EMB: variants seen among roughly 807,000 people sequenced by gnomAD.
The protein encoded by EMB is embigin.
A neutral mutation model predicts 41.4 loss-of-function variants in EMB; 31 were observed. The ratio of observed to expected loss-of-function variants is 0.75; its 90% confidence interval spans 0.56 to 1.01. The LOEUF is 1.01. Ranked by LOEUF, EMB falls within the 50% of genes least tolerant of loss-of-function variation. The pLI is 0.00. For synonymous variants in EMB, 137 were observed against 140.4 expected (o/e 0.98, Z 0.17); for missense variants, 379 against 388.3 (o/e 0.98, Z 0.20).
intron 6 of EMB, 67 bp from the exon 7 acceptor site, chr5:50,402,386 A>AT (rs1261820258): frequency 7.2e-7 from 1 of 1,393,228 alleles, no homozygotes; most frequent in East Asian, 2.3e-5. Flanking sequence ...TATATGCTCA[A>AT]TTAAACCTCC....
At chr5:50,439,397 A>G (rs1469127487) in intron 1 of EMB, among the ~76,000 whole-genome samples, 2 of 151,992 alleles carry the variant, frequency 1.3e-5, no homozygotes, top group Non-Finnish European at 2.9e-5. Flanking sequence ...AGCTCACTGC[A>G]GCCTCAAACT....
At chr5:50,426,975 C>G (rs536816662) in intron 2 of EMB, among the ~76,000 whole-genome samples, 1 of 151,770 alleles carries the variant, frequency 6.6e-6, no homozygotes, top group Non-Finnish European at 1.5e-5. Flanking sequence ...CTGAAATGAC[C>G]TGGTATAACT....
chr5:50,429,968 TTCTCTCTCTCTCTC>T (rs780667856), intron 1 of EMB, among the ~76,000 whole-genome samples: 4 of 62,150 alleles, frequency 6.4e-5, no homozygotes, highest in East Asian at 4.2e-4. Context: ...CCAACTCTCT[TTCTCTCTCTCTCTC>T]TCTCTCTCTC....
chr5:50,422,143 C>T (rs1401829077), intron 2 of EMB, among the ~76,000 whole-genome samples: 1 of 151,952 alleles, frequency 6.6e-6, no homozygotes, highest in African/African-American at 2.4e-5. Context: ...ATAATACTAA[C>T]ATGTTAATTA....
At chr5:50,422,344 TTC>T (rs1344369019) in intron 2 of EMB, among the ~76,000 whole-genome samples, 1 of 152,230 alleles carries the variant, frequency 6.6e-6, no homozygotes, top group Non-Finnish European at 1.5e-5. Context: ...TCGATGAATA[TTC>T]TGTTTCATAT....
At chr5:50,419,716 T>C (rs1476785676) in intron 2 of EMB, among the ~76,000 whole-genome samples, 1 of 152,090 alleles carries the variant, frequency 6.6e-6, no homozygotes, top group Non-Finnish European at 1.5e-5. Flanking sequence ...GACTTAAAAG[T>C]GACACATGCA....
intron 2 of EMB, among the ~76,000 whole-genome samples, chr5:50,427,394 T>C (rs1195289031): frequency 6.6e-6 from 1 of 152,094 alleles, no homozygotes; most frequent in Non-Finnish European, 1.5e-5. Flanking sequence ...ACAACCTACA[T>C]GGAAATGTAA....
At chr5:50,421,045 T>C (rs1299286773) in intron 2 of EMB, among the ~76,000 whole-genome samples, 1 of 152,118 alleles carries the variant, frequency 6.6e-6, no homozygotes, top group Non-Finnish European at 1.5e-5. Context: ...AACACAAATA[T>C]CTACAATTAA....
intron 1 of EMB, among the ~76,000 whole-genome samples, chr5:50,439,630 A>G (rs1036044507): frequency 5.9e-5 from 9 of 151,906 alleles, no homozygotes; most frequent in Non-Finnish European, 8.8e-5. Flanking sequence ...TATAAGTGGT[A>G]TTATGGAAAA....
chr5:50,429,971 TCTCTCTC>T (rs1745688053), intron 1 of EMB, among the ~76,000 whole-genome samples: 1,401 of 134,000 alleles, frequency 0.01, 28 homozygotes, highest in African/African-American at 0.033. Flanking sequence ...ACTCTCTTTC[TCTCTCTC>T]TCTCTCTCTC....
At chr5:50,410,107 C>T (rs1745309742) in intron 4 of EMB, among the ~76,000 whole-genome samples, 1 of 152,002 alleles carries the variant, frequency 6.6e-6, no homozygotes. Flanking sequence ...GGAAAAGTTA[C>T]AACAATTTTC....
At chr5:50,438,506 C>T (rs915717959) in intron 1 of EMB, among the ~76,000 whole-genome samples, 42 of 152,222 alleles carry the variant, frequency 2.8e-4, no homozygotes, top group African/African-American at 9.9e-4. Flanking sequence ...TAAAAAAATG[C>T]TAACTCATAG....
rs1376586673 is a variant in EMB at position 50,441,060 on chromosome 5, G to A, written c.92C>T (p.Ser31Leu). The change falls in exon 1 of 9, where the codon TCG becomes TTG. Residue 31 changes from serine (S) to leucine (L), a missense_variant. Ser to Leu is a moderately radical substitution (Grantham distance 145). Transcript: ENST00000303221. ...CACACCTGGGGCACTGCCGTCCGCC[G>A]AGCTTGGGCGCGCGGCAGCGAGAAG... ...QCLLAAARPS[S>L]ADGSAPDSPF... 2.6e-5 allele frequency: 40 copies of A among 1,510,198 alleles called. No individual in the cohort carries two copies. The highest frequency in any genetic ancestry group is 3.5e-5 in the Non-Finnish European group (39 of 1,130,082). 93.5% of individuals were successfully genotyped at this position (1,510,198 alleles called of 1,614,324 possible).
intron 1 of EMB, among the ~76,000 whole-genome samples, chr5:50,440,533 C>CAAAAAAAA (rs70972912): frequency 6.7e-5 from 4 of 60,052 alleles, no homozygotes; most frequent in African/African-American, 2.7e-4. Flanking sequence ...AACTCCGTCT[C>CAAAAAAAA]AAAAAAAAAA....
At chr5:50,406,575 C>A (rs186099403) in intron 4 of EMB, among the ~76,000 whole-genome samples, 2 of 151,822 alleles carry the variant, frequency 1.3e-5, no homozygotes, top group East Asian at 3.9e-4. Flanking sequence ...AAGATAAGAG[C>A]ATAAACAGTA....
chr5:50,413,584 CTTT>C (rs796506447), intron 2 of EMB, among the ~76,000 whole-genome samples: 3 of 142,470 alleles, frequency 2.1e-5, no homozygotes, highest in South Asian at 2.2e-4. Context: ...TTCTTTCTTT[CTTT>C]TTTTTTTTTT....
intron 8 of EMB, among the ~76,000 whole-genome samples, chr5:50,399,551 A>G (rs1289741888): frequency 6.6e-6 from 1 of 152,050 alleles, no homozygotes; most frequent in African/African-American, 2.4e-5. Context: ...AGAAAATTTT[A>G]GAGGAAAACA....
intron 6 of EMB, 151 bp from the exon 7 acceptor site, chr5:50,402,470 C>T (rs1159112727): frequency 5.7e-6 from 4 of 698,828 alleles, no homozygotes; most frequent in Admixed American, 5.0e-5. Flanking sequence ...TAAACACCTA[C>T]ACCTCCTTTA....
At chr5:50,409,767 T>C (rs1245483347) in intron 4 of EMB, among the ~76,000 whole-genome samples, 1 of 151,998 alleles carries the variant, frequency 6.6e-6, no homozygotes, top group Admixed American at 6.6e-5. Flanking sequence ...TATGGTGTTA[T>C]CTAGTCCTTC....
Sources: gnomAD v4.1 joint callset for allele counts (sites outside exome capture counted in the v4.1 genomes callset) on GRCh38, gnomAD v4.1.1 for gene constraint, MANE v1.5 for transcripts, NCBI Gene and HGNC (gene_info 2026-07-23, HGNC 2026-07-21) for gene names.